Variants in CRLF1 observed in about 807,000 individuals in gnomAD.
CRLF1 encodes cytokine receptor like factor 1, also known as cytokine receptor-like factor 1.
A neutral mutation model predicts 48.9 loss-of-function variants in CRLF1; 36 were observed. That is an observed-to-expected ratio of 0.74 (90% CI 0.56 to 0.97). The LOEUF (loss-of-function observed/expected upper bound fraction) is 0.97. CRLF1 is among the 50% of genes least tolerant of loss of function. CRLF1 has a pLI of 0.00. For synonymous variants in CRLF1, 256 were observed against 253.4 expected, an observed-to-expected ratio of 1.01 and a Z score of -0.10; for missense variants, 534 against 575.1, an observed-to-expected ratio of 0.93 and a Z score of 0.73.
At chr19:18,605,823 A>G (rs1976286135) in intron 1 of CRLF1, among the ~76,000 whole-genome samples, 1 of 152,036 alleles carries the variant, frequency 6.6e-6, no homozygotes, top group Non-Finnish European at 1.5e-5. Context: ...GGCCCCCTCA[A>G]AGTTTGGGCC....
intron 6 of CRLF1, 99 bp from the exon 7 acceptor site, chr19:18,594,533 C>G (rs867723399): frequency 8.7e-6 from 8 of 914,990 alleles, no homozygotes; most frequent in Middle Eastern, 3.9e-4. Context: ...ATGCTCCCCT[C>G]GGGGAACCTC....
At chr19:18,594,032 T>TTGCCCCCC in intron 8 of CRLF1, 33 bp downstream of exon 8, 2 of 695,810 alleles carry the variant, frequency 2.9e-6, no homozygotes, top group Non-Finnish European at 4.4e-6. Context: ...CTCCCCTTGC[T>TTGCCCCCC]CCCTCCCGCC....
rs763935340 is a variant in CRLF1 at position 18,596,980 on chromosome 19, C to T, written c.767G>A (p.Arg256His). Residue 256 changes from arginine to histidine, a missense_variant, in exon 5 of 9, where the codon CGC becomes CAC. Physicochemically the swap from Arg to His is conservative, Grantham distance 29. Transcript: ENST00000392386. ...CTTGAGGGCGGGTGGCGACACCCAG[C>T]GCACGCTCAGCTGGTCCTCCAGGCC... is the stretch of plus-strand genomic sequence containing the variant. Reference protein sequence around the residue: ...VGGLEDQLSVRWVSPPALKDF... With the variant: ...VGGLEDQLSVHWVSPPALKDF... 1.1e-5 allele frequency: 18 copies of T among 1,613,880 alleles called. No homozygotes were observed. The East Asian group carries it at 2.0e-4, about 18-fold the overall frequency.
intron 4 of CRLF1, among the ~76,000 whole-genome samples, chr19:18,597,824 G>A (rs1349900850): frequency 6.6e-6 from 1 of 152,076 alleles, no homozygotes; most frequent in African/African-American, 2.4e-5. Flanking sequence ...GTAGCGTTAG[G>A]ATGTGGGGAA....
At chr19:18,605,839 G>C (rs934008014) in intron 1 of CRLF1, among the ~76,000 whole-genome samples, 2 of 152,146 alleles carry the variant, frequency 1.3e-5, no homozygotes, top group Admixed American at 1.3e-4. Context: ...GGGCCCGCTG[G>C]TGCCCGGACT....
intron 4 of CRLF1, among the ~76,000 whole-genome samples, chr19:18,597,593 C>A (rs1455261479): frequency 6.6e-6 from 1 of 151,924 alleles, no homozygotes; most frequent in African/African-American, 2.4e-5. Flanking sequence ...CTACGCCCGG[C>A]TAAATTGTTT....
intron 7 of CRLF1, 67 bp from the exon 8 acceptor site, chr19:18,594,174 C>T (rs1976096782): frequency 6.3e-7 from 1 of 1,597,970 alleles, no homozygotes; most frequent in Non-Finnish European, 8.5e-7. Flanking sequence ...CTGCTGTCTT[C>T]CCCCTCCCCT....
chr19:18,603,851 C>G (rs1027961453), intron 1 of CRLF1, among the ~76,000 whole-genome samples: 1 of 116,380 alleles, frequency 8.6e-6, no homozygotes, highest in Non-Finnish European at 1.6e-5. Flanking sequence ...GCGAAGGAGC[C>G]GGCTGAGCGG....
chr19:18,602,846 C>T (rs1976237725), intron 1 of CRLF1, among the ~76,000 whole-genome samples: 1 of 150,852 alleles, frequency 6.6e-6, no homozygotes, highest in South Asian at 2.1e-4. Flanking sequence ...GTGGCACAAT[C>T]TCGGCTCACC....
At chr19:18,599,979 G>A (rs1976199166) in intron 1 of CRLF1, 133 bp from the exon 2 acceptor site, 1 of 1,015,964 alleles carries the variant, frequency 9.8e-7, no homozygotes, top group South Asian at 2.1e-5. Flanking sequence ...TACAGATAGG[G>A]AAGGTAGAGA....
At position 18,596,589 on chromosome 19, in the gene CRLF1, C is replaced by A. The variant is rs147530893; in HGVS notation, c.1024+33G>T. On this transcript the variant is annotated intron_variant, in intron 6 of 8. Coordinates refer to ENST00000392386, the MANE Select transcript of CRLF1 (RefSeq NM_004750.5). The stretch of plus-strand genomic sequence containing the variant: ...AGGCTCTAGCTGGTTTCGGACTGGC[C>A]GCTGGATCACCCAGCCCTAGGAGGG... The A allele has an allele frequency of 3.1e-4, 491 of 1,608,926 alleles. No homozygotes were observed. The African/African-American group carries it at 5.8e-3, about 19-fold the overall frequency.
In CRLF1 at chr19:18,602,371, G is replaced by A. The variant is rs565915094; in HGVS notation, c.116-2525C>T. Among the ~76,000 whole-genome samples, 36 of 152,318 alleles carry A rather than the reference G, an allele frequency of 2.4e-4. 1 individual carries two copies. Among genetic ancestry groups the A allele is most frequent in the African/African-American group, 8.7e-4 (36 of 41,580 alleles). Reference sequence around the variant, plus strand: ...TGCCTGTAATCCCAGCACTTTGAGAGGCTGAGGTGGGAGGATCACGTGAGG... The same window carrying A: ...TGCCTGTAATCCCAGCACTTTGAGAAGCTGAGGTGGGAGGATCACGTGAGG... On this transcript the variant is annotated intron_variant, in intron 1 of 8. Transcript: ENST00000392386.
chr19:18,594,452 G>A lies in CRLF1; in HGVS notation c.1025-18C>T, dbSNP rs1235921317. 4.4e-6 allele frequency: 6 copies of A among 1,379,144 alleles called. No homozygotes were observed. The African/African-American group carries it at 4.6e-5, about 11-fold the overall frequency. The allele number at this position is 1,379,144 out of a possible 1,614,324, so 85.4% of individuals were successfully genotyped here. On this transcript the variant is annotated intron_variant, in intron 6 of 8. Coordinates refer to ENST00000392386, the MANE Select transcript of CRLF1 (RefSeq NM_004750.5). Reference sequence around the variant, plus strand: ...CGGGCGCTCTGGTGGTGGGCGGAGCGGCAGTGTCAGAGCGCGCCCGGCAGG... The same window carrying A: ...CGGGCGCTCTGGTGGTGGGCGGAGCAGCAGTGTCAGAGCGCGCCCGGCAGG...
intron 2 of CRLF1, 72 bp downstream of exon 2, chr19:18,599,493 A>G (rs1976189545): frequency 1.0e-5 from 16 of 1,601,262 alleles, no homozygotes; most frequent in African/African-American, 1.3e-5. Flanking sequence ...AAGGCCCACA[A>G]TTCATGCCTC....
Position 18,599,095 on chromosome 19 carries a change from C to G in CRLF1, c.398-194G>C, listed in dbSNP as rs1374616581. On this transcript the variant is annotated intron_variant, in intron 2 of 8. Transcript: ENST00000392386. The stretch of plus-strand genomic sequence containing the variant: ...GCAAGGGCTCTTGAGAGGCTGGTGA[C>G]TCGATCTCCGGGTTCTTTTTCTTTT... The G allele has an allele frequency of 1.3e-5, 13 of 985,168 alleles. No homozygotes were observed. The Admixed American group carries it at 8.0e-4, about 61-fold the overall frequency. The allele number at this position is 985,168 out of a possible 1,614,324, so 61.0% of individuals were successfully genotyped here.
Position 18,594,523 on chromosome 19 carries a change from A to G in CRLF1, c.1025-89T>C, listed in dbSNP as rs1976104297. On this transcript the variant is annotated intron_variant, in intron 6 of 8. Transcript: ENST00000392386. ...GGGGAGACCCCGGCGCGGCGGGACC[A>G]TGCTCCCCTCGGGGAACCTCCCTCC... 21 of 1,032,018 alleles carry G rather than the reference A, an allele frequency of 2.0e-5. No homozygotes were observed. The East Asian group carries it at 6.8e-4, about 34-fold the overall frequency. 63.9% of individuals were successfully genotyped at this position (1,032,018 alleles called of 1,614,324 possible). A position where few individuals can be genotyped will look rare whatever the true frequency, so the allele number is the denominator to read the frequency against.
At chr19:18,597,602 T>C (rs1399862436) in intron 4 of CRLF1, among the ~76,000 whole-genome samples, 2 of 151,832 alleles carry the variant, frequency 1.3e-5, no homozygotes, top group East Asian at 1.9e-4. Flanking sequence ...GCTAAATTGT[T>C]TGTATTTTTA....
rs984693228 is a variant in CRLF1 at position 18,599,657 on chromosome 19, T to A, written c.305A>T (p.Asn102Ile). Reference protein sequence around the residue: ...NASTLALALANLNGSRQRSGD... With the variant: ...NASTLALALAILNGSRQRSGD... ...CGACCGCTGCCTGGACCCATTGAGG[T>A]TGGCCAGGGCCAGAGCCAAGGTGGA... The change falls in exon 2 of 9, where the codon AAC becomes ATC. Residue 102 changes from asparagine to isoleucine, a missense_variant. By Grantham distance (149) the Asn-to-Ile change is moderately radical. Around this residue, in one of 2 missense-constraint regions of CRLF1, gnomAD observed 528 missense variants for 555.7 expected, o/e 0.95. Transcript: ENST00000392386. 3.1e-6 allele frequency: 5 copies of A among 1,613,454 alleles called. No individual in the cohort carries two copies. Among genetic ancestry groups the A allele is most frequent in the Non-Finnish European group, 3.4e-6 (4 of 1,179,908 alleles).
chr19:18,599,685 C>T lies in CRLF1; in HGVS notation c.277G>A (p.Ala93Thr), dbSNP rs1408239740. Reference protein sequence around the residue: ...LPPELSRVLNASTLALALANL... With the variant: ...LPPELSRVLNTSTLALALANL... ...GCCAGGGCCAGAGCCAAGGTGGAGG[C>T]GTTGAGTACACGGGAGAGCTCAGGG... The change falls in exon 2 of 9, where the codon GCC (alanine) becomes ACC (threonine). Residue 93 changes from alanine (A) to threonine (T), a missense_variant. Coordinates refer to ENST00000392386, the MANE Select transcript of CRLF1 (RefSeq NM_004750.5). 17 of 1,612,622 alleles carry T rather than the reference C, an allele frequency of 1.1e-5. No homozygotes were observed. The highest frequency in any genetic ancestry group is 1.6e-4 in the Middle Eastern group (1 of 6,078).
Sources: allele counts gnomAD v4.1 joint callset (sites outside exome capture counted in the v4.1 genomes callset), GRCh38; gene constraint gnomAD v4.1.1; regional missense constraint gnomAD v4.1.1; transcripts MANE v1.5; gene names NCBI Gene and HGNC (gene_info 2026-07-23, HGNC 2026-07-21).